The following PAXIP1 variants were observed in gnomAD, a reference collection of about 807,000 sequenced individuals.
PAXIP1 encodes the protein PAX interacting protein 1.
Under a neutral mutation model 140.6 loss-of-function variants are expected in PAXIP1, and 19 were observed. The observed-to-expected ratio is 0.14, with a 90% CI of 0.09 to 0.20. The LOEUF is 0.20. Among genes scored for constraint, PAXIP1 ranks in the 10% least tolerant of loss-of-function variants. PAXIP1 has a pLI of 1.00. For missense variants in PAXIP1, 920 were observed against 1,208.6 expected (o/e 0.76, Z 3.54); for synonymous variants, 442 against 444.6 (o/e 0.99, Z 0.07).
At chr7:154,997,888 C>A (rs945950210) in intron 2 of PAXIP1, among the ~76,000 whole-genome samples, 1 of 152,232 alleles carries the variant, frequency 6.6e-6, no homozygotes, top group Non-Finnish European at 1.5e-5. Flanking sequence ...TTGCCACAGT[C>A]GGGATGGAAA....
At chr7:155,001,685 A>C (rs1439239237) in intron 1 of PAXIP1, 1 of 152,190 alleles carries the variant, frequency 6.6e-6, no homozygotes, top group Non-Finnish European at 1.5e-5. Flanking sequence ...TTTAGTAGAG[A>C]TGAGGCTTCA....
At chr7:154,994,999 A>C (rs115636988) in intron 2 of PAXIP1, among the ~76,000 whole-genome samples, 2,239 of 152,326 alleles carry the variant, frequency 0.015, 43 homozygotes, top group African/African-American at 0.046. Flanking sequence ...ATTGGCCTTG[A>C]CACTTCTGAA....
chr7:154,952,270 C>CAA (rs1389866851), intron 16 of PAXIP1: 1 of 152,232 alleles, frequency 6.6e-6, no homozygotes, highest in East Asian at 1.9e-4. Context: ...AACCCACAAT[C>CAA]AGTGTCTGTG....
rs1355908938 is a variant in PAXIP1, at chr7:154,943,702, T to G, written c.*447A>C. ...GATTACTCAATTCTAAGTTCAAAAGTACATTTATTTAAAATGTGGGCAAGA... is the reference window on the plus strand; with the variant it reads ...GATTACTCAATTCTAAGTTCAAAAGGACATTTATTTAAAATGTGGGCAAGA... On this transcript the variant is annotated 3_prime_UTR_variant, in exon 21 of 21. Coordinates refer to ENST00000404141, the MANE Select transcript of PAXIP1 (RefSeq NM_007349.4). 3 of 157,770 alleles carry G rather than the reference T, an allele frequency of 1.9e-5. No individual in the cohort carries two copies. The highest frequency in any genetic ancestry group is 4.2e-5 in the Non-Finnish European group (3 of 71,500). The allele number at this position is 157,770 out of a possible 1,614,324, so 9.8% of individuals were successfully genotyped here.
intron 17 of PAXIP1, 26 bp downstream of exon 17, chr7:154,947,877 T>A (rs368169192): frequency 2.0e-6 from 3 of 1,489,014 alleles, no homozygotes; most frequent in Non-Finnish European, 2.8e-6. Context: ...TTACTTGGAC[T>A]GATTTACTTT....
At chr7:154,965,151 A>T (rs1020990637) in intron 8 of PAXIP1, 1 of 152,256 alleles carries the variant, frequency 6.6e-6, no homozygotes, top group Non-Finnish European at 1.5e-5. Flanking sequence ...ATCTTGGGTC[A>T]CACCCCCTGG....
At chr7:154,962,595 T>TC in intron 9 of PAXIP1, 137 bp from the exon 10 acceptor site, 1 of 671,912 alleles carries the variant, frequency 1.5e-6, no homozygotes, top group Non-Finnish European at 2.4e-6. Context: ...TAGCACTTGA[T>TC]TAAAGTAACG....
chr7:154,981,619 T>A (rs1289535065), intron 5 of PAXIP1, among the ~76,000 whole-genome samples: 1 of 152,140 alleles, frequency 6.6e-6, no homozygotes, highest in Non-Finnish European at 1.5e-5. Context: ...ATATATGGAG[T>A]ATTTGCTTTA....
Position 154,946,496 on chromosome 7 carries a change from A to C in PAXIP1, c.3133+16T>G. On this transcript the variant is annotated intron_variant, in intron 19 of 20. Transcript: ENST00000404141. This position sits in a 1 kb window ranked among gnomAD's most constrained non-coding sequence, Gnocchi z 4.9. ...TGCGTGCACACATACTCACACAGGT[A>C]AGCGGGGAAACGTACCTATGCCTCT... The C allele has an allele frequency of 2.5e-6, 4 of 1,613,218 alleles. No individual in the cohort carries two copies. The highest frequency in any genetic ancestry group is 3.4e-6 in the Non-Finnish European group (4 of 1,179,110).
At chr7:154,953,353 G>T (rs1055218890) in intron 16 of PAXIP1, among the ~76,000 whole-genome samples, 2 of 152,198 alleles carry the variant, frequency 1.3e-5, no homozygotes, top group African/African-American at 4.8e-5. Flanking sequence ...TCTAAATCAG[G>T]GGCTGGTGAT....
At chr7:154,978,363 G>A (rs1264457885) in intron 5 of PAXIP1, among the ~76,000 whole-genome samples, 1 of 152,096 alleles carries the variant, frequency 6.6e-6, no homozygotes, top group Non-Finnish European at 1.5e-5. Context: ...ATAGATTTAA[G>A]GCTTCATATC....
At chr7:154,949,622 G>C (rs567835366) in intron 16 of PAXIP1, 1 of 152,176 alleles carries the variant, frequency 6.6e-6, no homozygotes, top group Non-Finnish European at 1.5e-5. Context: ...AAACACCACC[G>C]GGCGCGGTGG....
rs1220135148 is a variant in PAXIP1 at position 154,954,024 on chromosome 7, G to C, written c.2821+231C>G. On this transcript the variant is annotated intron_variant, in intron 16 of 20. Transcript: ENST00000404141. This position sits in a 1 kb window ranked among gnomAD's most constrained non-coding sequence, Gnocchi z 5.1. ...AGAAAATAAAAAGAGGGATATAGAGGTTGTTTTCCCCCTAATATTGTCCAA... is the reference window on the plus strand; with the variant it reads ...AGAAAATAAAAAGAGGGATATAGAGCTTGTTTTCCCCCTAATATTGTCCAA... 6.6e-6 allele frequency among the ~76,000 whole-genome samples: 1 copy of C among 152,154 alleles called. No homozygotes were observed. The highest frequency in any genetic ancestry group is 1.9e-4 in the East Asian group (1 of 5,198).
intron 13 of PAXIP1, among the ~76,000 whole-genome samples, chr7:154,957,657 T>C (rs1386097557): frequency 6.6e-6 from 1 of 152,230 alleles, no homozygotes; most frequent in Non-Finnish European, 1.5e-5. Flanking sequence ...TATTTTGTCC[T>C]GTGTCCCAAT....
At chr7:154,981,588 C>T (rs543436357) in intron 5 of PAXIP1, among the ~76,000 whole-genome samples, 24 of 152,092 alleles carry the variant, frequency 1.6e-4, no homozygotes, top group African/African-American at 5.3e-4. Flanking sequence ...ATATATATCA[C>T]GTTTAGTATC....
intron 4 of PAXIP1, among the ~76,000 whole-genome samples, chr7:154,984,469 A>G (rs1463789293): frequency 6.6e-6 from 1 of 152,214 alleles, no homozygotes; most frequent in Non-Finnish European, 1.5e-5. Flanking sequence ...AACTGCCAGT[A>G]TGCAGCTTGC....
At position 154,944,024 on chromosome 7, in the gene PAXIP1, C is replaced by G; in HGVS notation, c.*125G>C. On this transcript the variant is annotated 3_prime_UTR_variant, in exon 21 of 21. Transcript: ENST00000404141. ...TTATTATATCTGTCTTCCTGCTTCA[C>G]AGTCTGATCCCCCAGGAAAGCAGCT... is the stretch of plus-strand genomic sequence containing the variant. 1.2e-6 allele frequency: 1 copy of G among 831,610 alleles called. No homozygotes were observed. Among genetic ancestry groups the G allele is most frequent in the Non-Finnish European group, 2.1e-6 (1 of 487,272 alleles). The allele number at this position is 831,610 out of a possible 1,614,324, so 51.5% of individuals were successfully genotyped here. A position where few individuals can be genotyped will look rare whatever the true frequency, so the allele number is the denominator to read the frequency against.
intron 5 of PAXIP1, among the ~76,000 whole-genome samples, chr7:154,978,615 G>A (rs1195403908): frequency 6.6e-6 from 1 of 152,036 alleles, no homozygotes; most frequent in Non-Finnish European, 1.5e-5. Context: ...AGTTATTTTA[G>A]GAAAATATGA....
intron 11 of PAXIP1, 47 bp from the exon 12 acceptor site, chr7:154,961,124 G>A: frequency 7.6e-7 from 1 of 1,322,658 alleles, no homozygotes; most frequent in Non-Finnish European, 1.0e-6. Context: ...TGTTAGAGAT[G>A]TCAACTGTCC....
Sources: gnomAD v4.1 joint callset for allele counts (sites outside exome capture counted in the v4.1 genomes callset) on GRCh38, gnomAD v4.1.1 for gene constraint, Gnocchi (gnomAD v3.1) non-coding constraint, MANE v1.5 for transcripts, NCBI Gene and HGNC (gene_info 2026-07-23, HGNC 2026-07-21) for gene names.